The following GPR39 variants were observed in gnomAD, a reference collection of about 807,000 sequenced individuals.
The protein encoded by GPR39 is zinc sensing receptor.
A neutral mutation model predicts 18.4 loss-of-function variants in GPR39; 23 were observed. The observed-to-expected ratio is 1.25, with a 90% confidence interval of 0.90 to 1.77. The LOEUF (loss-of-function observed/expected upper bound fraction) is 1.77. GPR39 is among the 40% of genes most tolerant of loss of function. The pLI is 0.00. For missense variants in GPR39, 647 were observed against 602.4 expected (o/e 1.07, Z -0.78); for synonymous variants, 280 against 257.9 (o/e 1.09, Z -0.82).
At chr2:132,514,840 A>C (rs894230525) in intron 1 of GPR39, among the ~76,000 whole-genome samples, 1 of 152,200 alleles carries the variant, frequency 6.6e-6, no homozygotes, top group African/African-American at 2.4e-5. Flanking sequence ...TTTGGTAACA[A>C]ATTGAACAAT....
At chr2:132,496,206 CT>C (rs1313581759) in intron 1 of GPR39, among the ~76,000 whole-genome samples, 1 of 152,090 alleles carries the variant, frequency 6.6e-6, no homozygotes, top group Non-Finnish European at 1.5e-5. Context: ...TTTTGCTTGC[CT>C]TTTTTTCACC....
At chr2:132,426,585 C>T (rs996526758) in intron 1 of GPR39, among the ~76,000 whole-genome samples, 11 of 152,198 alleles carry the variant, frequency 7.2e-5, no homozygotes, top group African/African-American at 2.7e-4. Context: ...AGGAAGCCAA[C>T]CCTGGTGCTG....
intron 1 of GPR39, among the ~76,000 whole-genome samples, chr2:132,621,466 G>T (rs1479351182): frequency 6.6e-6 from 1 of 152,158 alleles, no homozygotes; most frequent in African/African-American, 2.4e-5. Flanking sequence ...GATAAGTACT[G>T]CTTTATTCTG....
intron 1 of GPR39, among the ~76,000 whole-genome samples, chr2:132,620,830 A>G (rs10179544): frequency 0.043 from 6,583 of 152,114 alleles, 476 homozygotes; most frequent in African/African-American, 0.15. Context: ...TCTACTCACC[A>G]CAAGCTCCAC....
At position 132,429,131 on chromosome 2, in the gene GPR39, A is replaced by G. The variant is rs368252291; in HGVS notation, c.856+11233A>G. The stretch of plus-strand genomic sequence containing the variant: ...TTTATATTTTATCTTCAATCCTCAT[A>G]GTATCATTAGCATGAAGGTATCGTT... On this transcript the variant is annotated intron_variant, in intron 1 of 1. Transcript: ENST00000329321. Among the ~76,000 whole-genome samples, 279 of 152,364 alleles carry G rather than the reference A, an allele frequency of 1.8e-3. 4 individuals carry two copies. The South Asian group carries it at 0.023, about 13-fold the overall frequency.
At chr2:132,484,430 A>T (rs527402058) in intron 1 of GPR39, among the ~76,000 whole-genome samples, 1 of 152,262 alleles carries the variant, frequency 6.6e-6, no homozygotes, top group African/African-American at 2.4e-5. Flanking sequence ...CACAATGGGC[A>T]TCAGAGAGAT....
At chr2:132,523,270 G>T (rs11898943) in intron 1 of GPR39, among the ~76,000 whole-genome samples, 2,847 of 152,280 alleles carry the variant, frequency 0.019, 90 homozygotes, top group African/African-American at 0.065. Context: ...ACCATCTTTT[G>T]TCACCATCGT....
chr2:132,475,229 C>T (rs1420398480), intron 1 of GPR39, among the ~76,000 whole-genome samples: 2 of 151,770 alleles, frequency 1.3e-5, no homozygotes, highest in African/African-American at 2.4e-5. Context: ...TCTTCACCCT[C>T]AAGAGTCACT....
intron 1 of GPR39, among the ~76,000 whole-genome samples, chr2:132,503,067 G>A (rs1257710693): frequency 1.3e-5 from 2 of 152,142 alleles, no homozygotes; most frequent in Admixed American, 1.3e-4. Context: ...TTATTCTTCT[G>A]GCAAATCAGA....
chr2:132,522,011 T>C (rs1191445234), intron 1 of GPR39, among the ~76,000 whole-genome samples: 1 of 152,230 alleles, frequency 6.6e-6, no homozygotes, highest in Non-Finnish European at 1.5e-5. Context: ...CCCTTCCCTT[T>C]GTGCTAAATC....
At chr2:132,531,949 C>G (rs1679643754) in intron 1 of GPR39, among the ~76,000 whole-genome samples, 1 of 152,110 alleles carries the variant, frequency 6.6e-6, no homozygotes, top group South Asian at 2.1e-4. Context: ...ACTAGAGAAG[C>G]AAGAGCAAAC....
intron 1 of GPR39, among the ~76,000 whole-genome samples, chr2:132,444,928 C>T (rs1229032646): frequency 6.6e-6 from 1 of 151,972 alleles, no homozygotes. Context: ...GCGACATATC[C>T]CAAAAGGTAC....
At chr2:132,634,266 G>A (rs965761911) in intron 1 of GPR39, among the ~76,000 whole-genome samples, 2 of 152,146 alleles carry the variant, frequency 1.3e-5, no homozygotes, top group Non-Finnish European at 2.9e-5. Context: ...ACTGTGGTCA[G>A]CACTATCCCT....
intron 1 of GPR39, among the ~76,000 whole-genome samples, chr2:132,556,162 G>C (rs1294568435): frequency 2.0e-5 from 3 of 152,170 alleles, no homozygotes; most frequent in Admixed American, 2.0e-4. Flanking sequence ...TCTTATAGCT[G>C]AGTGCCCAAA....
chr2:132,639,247 G>C (rs1283025061), intron 1 of GPR39, among the ~76,000 whole-genome samples: 3 of 151,652 alleles, frequency 2.0e-5, no homozygotes, highest in African/African-American at 7.3e-5. Flanking sequence ...CAGAGAACTT[G>C]AATGGGGGGA....
intron 1 of GPR39, among the ~76,000 whole-genome samples, chr2:132,419,331 C>G (rs557091448): frequency 7.9e-5 from 12 of 152,300 alleles, no homozygotes; most frequent in Admixed American, 7.2e-4. Context: ...TAGAGAAGAC[C>G]TAGTTCAGAA....
chr2:132,488,731 T>C (rs1558812948), intron 1 of GPR39: 1 of 153,576 alleles, frequency 6.5e-6, no homozygotes, highest in Non-Finnish European at 1.5e-5. Flanking sequence ...CCCATGTCAT[T>C]GCTGTCCTCT....
chr2:132,547,840 C>T (rs775021305), intron 1 of GPR39, among the ~76,000 whole-genome samples: 4 of 152,116 alleles, frequency 2.6e-5, no homozygotes, highest in Admixed American at 6.5e-5. Context: ...CAGAAAAGAC[C>T]TACTAGTTTG....
chr2:132,516,699 C>T (rs1458301263), intron 1 of GPR39, among the ~76,000 whole-genome samples: 1 of 152,086 alleles, frequency 6.6e-6, no homozygotes, highest in Non-Finnish European at 1.5e-5. Context: ...TTATTTGCTC[C>T]CTGCTTACAG....
Sources: allele counts gnomAD v4.1 joint callset (sites outside exome capture counted in the v4.1 genomes callset), GRCh38; gene constraint gnomAD v4.1.1; transcripts MANE v1.5; gene names NCBI Gene and HGNC (gene_info 2026-07-23, HGNC 2026-07-21).